Variants in SLC8A1 observed in about 807,000 individuals in gnomAD.
SLC8A1 encodes sodium/calcium exchanger 1.
In SLC8A1, 18 loss-of-function variants were observed where a neutral mutation model predicts 68.3. That is an observed-to-expected ratio of 0.26 (90% CI 0.18 to 0.39). The LOEUF is 0.39. Among genes scored for constraint, SLC8A1 ranks in the 10% least tolerant of loss-of-function variants. SLC8A1 has a pLI of 1.00. For synonymous variants in SLC8A1, 475 were observed against 415.5 expected (o/e 1.14, Z -1.74); for missense variants, 985 against 1,156.7 (o/e 0.85, Z 2.15).
chr2:40,454,083 T>C (rs1702843341), upstream of SLC8A1, among the ~76,000 whole-genome samples: 2 of 152,232 alleles, frequency 1.3e-5, no homozygotes, highest in South Asian at 4.1e-4. Flanking sequence ...CTGTCTCTTT[T>C]AGAATATGTC....
At chr2:40,385,429 T>C (rs1683248387) in intron 2 of SLC8A1, among the ~76,000 whole-genome samples, 1 of 114,196 alleles carries the variant, frequency 8.8e-6, no homozygotes, top group South Asian at 2.6e-4. Context: ...CAAATCACCA[T>C]TTTTCAAAGT....
chr2:40,232,963 G>T (rs370596107), intron 2 of SLC8A1, among the ~76,000 whole-genome samples: 17 of 151,374 alleles, frequency 1.1e-4, no homozygotes, highest in Admixed American at 1.1e-3. Flanking sequence ...ATTCCATGGT[G>T]TATATGTGCC....
At chr2:40,176,037 G>C (rs112366854) in intron 3 of SLC8A1, 1 of 434,666 alleles carries the variant, frequency 2.3e-6, no homozygotes, top group Middle Eastern at 3.4e-4. Context: ...GTTGGGGGGA[G>C]GGGGACGTAT....
At chr2:40,123,998 T>A (rs922770361) in intron 7 of SLC8A1, among the ~76,000 whole-genome samples, 1 of 152,220 alleles carries the variant, frequency 6.6e-6, no homozygotes, top group African/African-American at 2.4e-5. Context: ...CCTAGTTCTT[T>A]CTTCTATGCT....
intron 2 of SLC8A1, among the ~76,000 whole-genome samples, chr2:40,362,964 T>C (rs537975961): frequency 6.6e-6 from 1 of 152,240 alleles, no homozygotes; most frequent in South Asian, 2.1e-4. Context: ...TAGTTCTGAC[T>C]AAATGTCCTT....
intron 1 of SLC8A1, among the ~76,000 whole-genome samples, chr2:40,449,663 T>C (rs894307438): frequency 1.5e-5 from 2 of 135,202 alleles, no homozygotes; most frequent in African/African-American, 3.0e-5. Flanking sequence ...GGAACCACTA[T>C]ATAATAATAT....
chr2:40,212,201 G>A (rs1261952527), intron 2 of SLC8A1, among the ~76,000 whole-genome samples: 1 of 150,858 alleles, frequency 6.6e-6, no homozygotes, highest in East Asian at 1.9e-4. Context: ...TAATCTAAGG[G>A]AAGACTTTTA....
intron 2 of SLC8A1, among the ~76,000 whole-genome samples, chr2:40,377,899 A>G (rs1332292410): frequency 6.6e-6 from 1 of 152,114 alleles, no homozygotes; most frequent in Admixed American, 6.6e-5. Flanking sequence ...TCAATTCAAA[A>G]TGTTTTTATT....
In SLC8A1 at chr2:40,252,481, C is replaced by G. The variant is rs1005230128; in HGVS notation, c.1809-74626G>C. On this transcript the variant is annotated intron_variant, in intron 2 of 7. Transcript: ENST00000406785. ...CCAAGTAACTGGGATGACAGGCGCC[C>G]GCCACCAAGCCCAACTAATTTTTTG... 2.6e-5 allele frequency among the ~76,000 whole-genome samples: 4 copies of G among 152,158 alleles called. No individual in the cohort carries two copies. The South Asian group carries it at 6.2e-4, about 24-fold the overall frequency.
chr2:40,218,028 TG>T (rs1202603476), intron 2 of SLC8A1, among the ~76,000 whole-genome samples: 1 of 152,180 alleles, frequency 6.6e-6, no homozygotes, highest in Non-Finnish European at 1.5e-5. Flanking sequence ...ACAATTAATT[TG>T]TCTCAGTGGG....
At chr2:40,201,281 T>A (rs1428423588) in intron 2 of SLC8A1, among the ~76,000 whole-genome samples, 1 of 151,928 alleles carries the variant, frequency 6.6e-6, no homozygotes, top group Non-Finnish European at 1.5e-5. Flanking sequence ...TTGTGACTTG[T>A]CAAAGGTATG....
chr2:40,213,770 C>A (rs1289377269), intron 2 of SLC8A1, among the ~76,000 whole-genome samples: 2 of 152,174 alleles, frequency 1.3e-5, no homozygotes, highest in African/African-American at 4.8e-5. Flanking sequence ...AGAGCTGCAT[C>A]AATTCTCTCA....
At chr2:40,200,247 T>TATATTTATATATATATATAA (rs2054066067) in intron 2 of SLC8A1, among the ~76,000 whole-genome samples, 1 of 18,020 alleles carries the variant, frequency 5.5e-5, no homozygotes, top group African/African-American at 1.4e-4. Flanking sequence ...TAAATATATA[T>TATATTTATATATATATATAA]ATATATATAT....
chr2:40,172,187 G>A (rs2047618145), intron 4 of SLC8A1, among the ~76,000 whole-genome samples: 2 of 152,150 alleles, frequency 1.3e-5, no homozygotes, highest in Admixed American at 6.5e-5. Context: ...GTAGACCTAA[G>A]TTTTAGAACT....
At chr2:40,295,027 G>T (rs1377869123) in intron 2 of SLC8A1, among the ~76,000 whole-genome samples, 1 of 151,836 alleles carries the variant, frequency 6.6e-6, no homozygotes, top group Non-Finnish European at 1.5e-5. Context: ...TAATACATGA[G>T]AAAAATGATA....
chr2:40,244,036 A>G (rs1236053431), intron 2 of SLC8A1, among the ~76,000 whole-genome samples: 5 of 91,070 alleles, frequency 5.5e-5, no homozygotes, highest in African/African-American at 1.2e-4. Flanking sequence ...TCCCATCAGC[A>G]GCCCTTTTGT....
chr2:40,425,011 A>T (rs1186151584), intron 2 of SLC8A1, among the ~76,000 whole-genome samples: 1 of 151,916 alleles, frequency 6.6e-6, no homozygotes, highest in East Asian at 1.9e-4. Context: ...ACCAAACCAC[A>T]AATCAAATTA....
intron 1 of SLC8A1, among the ~76,000 whole-genome samples, chr2:40,486,879 C>A (rs976219891): frequency 4.9e-5 from 5 of 102,746 alleles, no homozygotes; most frequent in African/African-American, 1.2e-4. Flanking sequence ...CCCCTCCCCC[C>A]ACCCCTTTGT....
chr2:40,423,900 A>C (rs1428764794), intron 2 of SLC8A1, among the ~76,000 whole-genome samples: 1 of 151,960 alleles, frequency 6.6e-6, no homozygotes, highest in Non-Finnish European at 1.5e-5. Flanking sequence ...ATTATATGTG[A>C]TTTGGCTCTA....
Sources: gnomAD v4.1 joint callset for allele counts (sites outside exome capture counted in the v4.1 genomes callset) on GRCh38, gnomAD v4.1.1 for gene constraint, MANE v1.5 for transcripts, NCBI Gene and HGNC (gene_info 2026-07-23, HGNC 2026-07-21) for gene names.